Variants in HIVEP3 observed in about 807,000 individuals in gnomAD.
HIVEP3 encodes the protein HIVEP zinc finger 3.
In HIVEP3, 49 loss-of-function variants were observed where a neutral mutation model predicts 152.8. The ratio of observed to expected loss-of-function variants is 0.32; its 90% CI spans 0.26 to 0.41. HIVEP3 has a LOEUF of 0.41. Among genes scored for constraint, HIVEP3 ranks in the 10% least tolerant of loss-of-function variants. The pLI, the probability that HIVEP3 is intolerant of heterozygous loss-of-function variation, is 1.00. For synonymous variants in HIVEP3, 1,269 were observed against 1,289.0 expected, an observed-to-expected ratio of 0.98 and a Z score of 0.33; for missense variants, 2,790 against 3,103.3, an observed-to-expected ratio of 0.90 and a Z score of 2.40.
intron 1 of HIVEP3, among the ~76,000 whole-genome samples, chr1:41,912,803 G>A (rs1644817269): frequency 6.6e-6 from 1 of 152,202 alleles, no homozygotes; most frequent in South Asian, 2.1e-4. Flanking sequence ...TGACAGTCAG[G>A]GGAAGTTTCT....
At chr1:41,970,611 T>C (rs552171303) in intron 1 of HIVEP3, among the ~76,000 whole-genome samples, 63 of 152,184 alleles carry the variant, frequency 4.1e-4, no homozygotes, top group Non-Finnish European at 7.5e-4. Context: ...AGGTAATGGG[T>C]TGATAGGTGC....
intron 1 of HIVEP3, among the ~76,000 whole-genome samples, chr1:41,870,160 G>A (rs957052993): frequency 2.6e-5 from 4 of 152,084 alleles, no homozygotes; most frequent in Non-Finnish European, 4.4e-5. Flanking sequence ...TGCTGCAGGG[G>A]TGACGGTCCC....
At chr1:41,908,934 A>C (rs1163489428) in intron 1 of HIVEP3, among the ~76,000 whole-genome samples, 1 of 152,228 alleles carries the variant, frequency 6.6e-6, no homozygotes, top group African/African-American at 2.4e-5. Context: ...AGGAACTCCA[A>C]TGAATACCAA....
At chr1:41,709,667 G>T (rs1485091099) in intron 1 of HIVEP3, among the ~76,000 whole-genome samples, 1 of 152,208 alleles carries the variant, frequency 6.6e-6, no homozygotes, top group African/African-American at 2.4e-5. Flanking sequence ...GTTCATGTGG[G>T]GCTCTGGCTT....
chr1:41,992,733 A>T (rs1427618951), intron 1 of HIVEP3, among the ~76,000 whole-genome samples: 1 of 132,814 alleles, frequency 7.5e-6, no homozygotes, highest in Non-Finnish European at 1.6e-5. Context: ...GCATCACACT[A>T]CCTGACTTCA....
chr1:41,608,443 T>C (rs550919151), intron 3 of HIVEP3, among the ~76,000 whole-genome samples: 1 of 152,294 alleles, frequency 6.6e-6, no homozygotes, highest in Non-Finnish European at 1.5e-5. Context: ...AGAGCATTTG[T>C]TGGGGAATTT....
chr1:41,578,425 T>C (rs551980181), intron 4 of HIVEP3, among the ~76,000 whole-genome samples: 3 of 152,176 alleles, frequency 2.0e-5, no homozygotes, highest in South Asian at 4.2e-4. Context: ...GGGAATAAAT[T>C]TGGAAAACAG....
chr1:41,608,631 G>A (rs992235530), intron 3 of HIVEP3, among the ~76,000 whole-genome samples: 2 of 152,198 alleles, frequency 1.3e-5, no homozygotes, highest in Non-Finnish European at 2.9e-5. Flanking sequence ...GAGACTTCTG[G>A]AATCCTGGGC....
At chr1:41,736,393 G>A (rs1353775104) in intron 1 of HIVEP3, among the ~76,000 whole-genome samples, 1 of 152,178 alleles carries the variant, frequency 6.6e-6, no homozygotes, top group Non-Finnish European at 1.5e-5. Context: ...AGGGGTTGAG[G>A]GGCCAAGAAG....
intron 1 of HIVEP3, among the ~76,000 whole-genome samples, chr1:41,819,325 CT>C (rs145168782): frequency 8.7e-5 from 13 of 149,304 alleles, no homozygotes; most frequent in African/African-American, 2.5e-4. Context: ...TTCCATTTGT[CT>C]TTTTTTTTTC....
intron 1 of HIVEP3, among the ~76,000 whole-genome samples, chr1:41,762,699 A>G (rs2124248914): frequency 6.6e-6 from 1 of 152,236 alleles, no homozygotes; most frequent in Non-Finnish European, 1.5e-5. Context: ...TCACACACCC[A>G]CTTCTGCCAT....
At chr1:41,836,726 C>T (rs750752136) in intron 1 of HIVEP3, among the ~76,000 whole-genome samples, 15 of 152,238 alleles carry the variant, frequency 9.9e-5, no homozygotes, top group Non-Finnish European at 1.5e-4. Context: ...TGGTAGGATG[C>T]GACTGGCAAA....
intron 1 of HIVEP3, among the ~76,000 whole-genome samples, chr1:41,862,616 C>T (rs905129466): frequency 8.5e-5 from 13 of 152,160 alleles, no homozygotes; most frequent in African/African-American, 3.1e-4. Context: ...CCATTCCCTC[C>T]AAGCTTGCCT....
chr1:42,019,315 C>T (rs1005329262), intron 1 of HIVEP3, among the ~76,000 whole-genome samples: 8 of 151,914 alleles, frequency 5.3e-5, no homozygotes, highest in Non-Finnish European at 4.4e-5. Context: ...GTATAATATA[C>T]AAATTAATTT....
At chr1:41,568,482 G>A (rs1644202923) in intron 5 of HIVEP3, among the ~76,000 whole-genome samples, 1 of 152,234 alleles carries the variant, frequency 6.6e-6, no homozygotes, top group Non-Finnish European at 1.5e-5. Context: ...TGAGGGCTTC[G>A]GGGGACACGG....
intron 1 of HIVEP3, among the ~76,000 whole-genome samples, chr1:41,839,900 T>C (rs1643236888): frequency 6.6e-6 from 1 of 152,208 alleles, no homozygotes; most frequent in Non-Finnish European, 1.5e-5. Context: ...CAGGAGGGTT[T>C]AGAGCCTCAC....
At chr1:41,710,334 GC>G (rs1348660463) in intron 1 of HIVEP3, among the ~76,000 whole-genome samples, 1 of 152,180 alleles carries the variant, frequency 6.6e-6, no homozygotes, top group African/African-American at 2.4e-5. Flanking sequence ...ACAGAGAAGA[GC>G]AAGGGTGTTC....
intron 2 of HIVEP3, among the ~76,000 whole-genome samples, chr1:41,683,816 C>T (rs1328773076): frequency 6.6e-6 from 1 of 152,198 alleles, no homozygotes; most frequent in African/African-American, 2.4e-5. Context: ...AGGCAGCCCT[C>T]TGTGGTGCTG....
intron 1 of HIVEP3, among the ~76,000 whole-genome samples, chr1:41,842,107 T>C (rs1643306338): frequency 6.6e-6 from 1 of 151,974 alleles, no homozygotes; most frequent in African/African-American, 2.4e-5. Flanking sequence ...AAAAATTCAC[T>C]GTTAATGATT....
Sources: gnomAD v4.1 joint callset for allele counts (sites outside exome capture counted in the v4.1 genomes callset) on GRCh38, gnomAD v4.1.1 for gene constraint, MANE v1.5 for transcripts, NCBI Gene and HGNC (gene_info 2026-07-23, HGNC 2026-07-21) for gene names.